Variants in C1orf185 observed in about 807,000 individuals in gnomAD.
The protein encoded by C1orf185 is uncharacterized protein C1orf185.
In C1orf185, 13 loss-of-function variants were observed where a neutral mutation model predicts 16.1. The observed-to-expected ratio is 0.81, with a 90% CI of 0.53 to 1.28. The LOEUF (loss-of-function observed/expected upper bound fraction) is 1.28, where lower values mean the gene tolerates loss of function less well. Ranked by LOEUF, C1orf185 falls within the 50% of genes most tolerant of loss-of-function variation. C1orf185 has a pLI of 0.00. For missense variants in C1orf185, 220 were observed against 225.2 expected, an observed-to-expected ratio of 0.98 and a Z score of 0.15; for synonymous variants, 80 against 76.9, an observed-to-expected ratio of 1.04 and a Z score of -0.21.
intron 3 of C1orf185, among the ~76,000 whole-genome samples, chr1:51,124,687 G>C (rs1401134038): frequency 1.3e-5 from 2 of 152,176 alleles, no homozygotes; most frequent in Non-Finnish European, 2.9e-5. Flanking sequence ...TCTAGGAAAG[G>C]GGCAGTAATA....
intron 1 of C1orf185, among the ~76,000 whole-genome samples, chr1:51,109,674 C>T (rs1646101789): frequency 6.6e-6 from 1 of 152,084 alleles, no homozygotes; most frequent in Non-Finnish European, 1.5e-5. Context: ...GTGTTCCTGG[C>T]ACTTTGGCAA....
intron 1 of C1orf185, among the ~76,000 whole-genome samples, chr1:51,108,230 G>A (rs1261088168): frequency 3.3e-5 from 5 of 152,058 alleles, no homozygotes; most frequent in Non-Finnish European, 5.9e-5. Context: ...CTTCCTTAAT[G>A]ATTAATAACA....
chr1:51,117,855 T>C (rs891326851), intron 2 of C1orf185, among the ~76,000 whole-genome samples: 2 of 152,210 alleles, frequency 1.3e-5, no homozygotes, highest in Admixed American at 1.3e-4. Flanking sequence ...TACTTGTGGT[T>C]GCATGGATAA....
intron 1 of C1orf185, among the ~76,000 whole-genome samples, chr1:51,104,157 A>G (rs1646053296): frequency 2.0e-5 from 3 of 152,208 alleles, no homozygotes. Context: ...AATGTTTCAC[A>G]CGTATTTGCT....
chr1:51,102,349 A>T lies in C1orf185; in HGVS notation c.16+100A>T, dbSNP rs1036875449. The T allele has an allele frequency of 3.0e-5, 20 of 666,762 alleles. No individual in the cohort carries two copies. In the East Asian group the frequency reaches 5.5e-4, roughly 18 times the overall value. 41.3% of individuals were successfully genotyped at this position (666,762 alleles called of 1,614,324 possible). A position where few individuals can be genotyped will look rare whatever the true frequency, so the allele number is the denominator to read the frequency against. On this transcript the variant is annotated intron_variant, in intron 1 of 4. Coordinates refer to ENST00000371759, the MANE Select transcript of C1orf185 (RefSeq NM_001136508.2). ...GAAATCTATTTCTATTCTCTGGAAG[A>T]GCTTGTATAAGATAAGAAATACTTG... is the stretch of plus-strand genomic sequence containing the variant.
At chr1:51,117,355 C>T (rs1447483197) in intron 2 of C1orf185, among the ~76,000 whole-genome samples, 1 of 152,164 alleles carries the variant, frequency 6.6e-6, no homozygotes, top group Non-Finnish European at 1.5e-5. Context: ...GATGAATCTA[C>T]ATTAACACTT....
intron 3 of C1orf185, among the ~76,000 whole-genome samples, chr1:51,133,607 G>A (rs910300857): frequency 2.6e-5 from 4 of 152,174 alleles, no homozygotes; most frequent in Admixed American, 2.0e-4. Context: ...AATAGTAGTG[G>A]GAGAGTTTTA....
At chr1:51,114,217 A>G (rs902100035) in intron 2 of C1orf185, among the ~76,000 whole-genome samples, 1 of 152,230 alleles carries the variant, frequency 6.6e-6, no homozygotes, top group Non-Finnish European at 1.5e-5. Context: ...TTGAAGAGAC[A>G]TGTAAGAGCC....
chr1:51,136,046 T>C (rs1194511038), intron 3 of C1orf185, among the ~76,000 whole-genome samples: 1 of 152,086 alleles, frequency 6.6e-6, no homozygotes, highest in African/African-American at 2.4e-5. Flanking sequence ...ATGAATGCAA[T>C]CCCATTCACA....
At chr1:51,126,971 T>C (rs1056063101) in intron 3 of C1orf185, among the ~76,000 whole-genome samples, 1 of 151,892 alleles carries the variant, frequency 6.6e-6, no homozygotes, top group Non-Finnish European at 1.5e-5. Flanking sequence ...GTCCCTCAAT[T>C]GGGGTTTGTT....
rs137992400 is a variant in C1orf185, at chr1:51,134,293, G to T, written c.259-11431G>T. 2.6e-4 allele frequency among the ~76,000 whole-genome samples: 40 copies of T among 152,252 alleles called. No individual in the cohort carries two copies. In the East Asian group the frequency reaches 7.5e-3, roughly 29 times the overall value. Reference sequence around the variant, plus strand: ...AATCAAGAAGTTCTTTGAAACTAATGAGAACAAAGGTGCAAAATACCAGAA... The same window carrying T: ...AATCAAGAAGTTCTTTGAAACTAATTAGAACAAAGGTGCAAAATACCAGAA... On this transcript the variant is annotated intron_variant, in intron 3 of 4. Coordinates refer to ENST00000371759, the MANE Select transcript of C1orf185 (RefSeq NM_001136508.2).
intron 3 of C1orf185, among the ~76,000 whole-genome samples, chr1:51,136,517 C>T (rs1195118986): frequency 1.3e-5 from 2 of 152,048 alleles, no homozygotes; most frequent in African/African-American, 4.8e-5. Flanking sequence ...GTTACAGTAG[C>T]CAAAACAGCT....
intron 3 of C1orf185, among the ~76,000 whole-genome samples, chr1:51,124,914 C>T (rs914418188): frequency 6.6e-6 from 1 of 152,202 alleles, no homozygotes; most frequent in South Asian, 2.1e-4. Context: ...GGCTTCCTAA[C>T]CTCATTCCCC....
intron 1 of C1orf185, among the ~76,000 whole-genome samples, chr1:51,108,089 C>T (rs891762726): frequency 1.3e-5 from 2 of 152,090 alleles, no homozygotes; most frequent in Non-Finnish European, 1.5e-5. Context: ...AGTATTTTAC[C>T]AAATTACATT....
chr1:51,109,823 GT>G (rs1646102795), intron 1 of C1orf185, among the ~76,000 whole-genome samples: 1 of 152,118 alleles, frequency 6.6e-6, no homozygotes, highest in South Asian at 2.1e-4. Context: ...GTCAGATAGT[GT>G]GATACCTCCA....
intron 1 of C1orf185, among the ~76,000 whole-genome samples, chr1:51,111,575 A>G (rs921121707): frequency 6.6e-6 from 1 of 151,810 alleles, no homozygotes; most frequent in African/African-American, 2.4e-5. Flanking sequence ...GCTCGAGTGC[A>G]GTGGTGCTAT....
At chr1:51,111,680 C>T (rs1053543546) in intron 1 of C1orf185, among the ~76,000 whole-genome samples, 2 of 152,078 alleles carry the variant, frequency 1.3e-5, no homozygotes, top group Non-Finnish European at 2.9e-5. Context: ...CCACCATGCC[C>T]GGCTAATTTC....
rs542394034 is a variant in C1orf185 at position 51,119,880 on chromosome 1, G to A, written c.258+1079G>A. On this transcript the variant is annotated intron_variant, in intron 3 of 4. Transcript: ENST00000371759. ...GGCTATATAAACAAATAAGATATGA[G>A]CCCAGCCCTAGATGAGCTCAAAATC... is the stretch of plus-strand genomic sequence containing the variant. 3.5e-4 allele frequency among the ~76,000 whole-genome samples: 53 copies of A among 152,146 alleles called. No individual in the cohort carries two copies. In the South Asian group the frequency reaches 4.4e-3, roughly 13 times the overall value.
At chr1:51,109,173 T>C (rs750312146) in intron 1 of C1orf185, among the ~76,000 whole-genome samples, 9 of 152,186 alleles carry the variant, frequency 5.9e-5, no homozygotes, top group Non-Finnish European at 1.0e-4. Context: ...CTGATGATAG[T>C]GATGCTGAAC....
Sources: gnomAD v4.1 joint callset for allele counts (sites outside exome capture counted in the v4.1 genomes callset) on GRCh38, gnomAD v4.1.1 for gene constraint, MANE v1.5 for transcripts, NCBI Gene and HGNC (gene_info 2026-07-23, HGNC 2026-07-21) for gene names.